Variants in ATP8A2 observed in about 807,000 individuals in gnomAD.
ATP8A2 encodes the protein ATPase phospholipid transporting 8A2, also known as phospholipid-transporting ATPase IB.
In ATP8A2, 100 loss-of-function variants were observed where a neutral mutation model predicts 165.6. That is an observed-to-expected ratio of 0.60 (90% confidence interval 0.51 to 0.71). The LOEUF is 0.71. ATP8A2 is among the 30% of genes least tolerant of loss of function. ATP8A2 has a pLI of 0.00. For missense variants in ATP8A2, 1,227 were observed against 1,479.5 expected (o/e 0.83, Z 2.80); for synonymous variants, 543 against 548.8 (o/e 0.99, Z 0.15).
intron 25 of ATP8A2, among the ~76,000 whole-genome samples, chr13:25,749,546 C>A (rs1441074098): frequency 2.0e-5 from 3 of 151,742 alleles, no homozygotes; most frequent in African/African-American, 7.3e-5. Flanking sequence ...GGCATTGTCA[C>A]ATCGATGTCA....
chr13:25,910,779 T>A (rs890313486), intron 33 of ATP8A2, among the ~76,000 whole-genome samples: 2 of 152,192 alleles, frequency 1.3e-5, no homozygotes, highest in African/African-American at 2.4e-5. Context: ...CAATTGAGCT[T>A]ATAATAAAGA....
intron 33 of ATP8A2, among the ~76,000 whole-genome samples, chr13:25,950,398 T>G (rs1008790653): frequency 6.6e-6 from 1 of 152,140 alleles, no homozygotes. Flanking sequence ...ATTAAAATGA[T>G]CACTACCTGA....
Position 25,372,373 on chromosome 13 carries a change from C to G in ATP8A2, c.76+85C>G. 1.0e-6 allele frequency: 1 copy of G among 995,396 alleles called. No individual in the cohort carries two copies. The highest frequency in any genetic ancestry group is 1.3e-6 in the Non-Finnish European group (1 of 748,582). The allele number at this position is 995,396 out of a possible 1,614,324, so 61.7% of individuals were successfully genotyped here. A position where few individuals can be genotyped will look rare whatever the true frequency, so the allele number is the denominator to read the frequency against. On this transcript the variant is annotated intron_variant, in intron 1 of 36. Coordinates refer to ENST00000381655, the MANE Select transcript of ATP8A2 (RefSeq NM_016529.6). This position sits in a 1 kb window ranked among gnomAD's most constrained non-coding sequence, Gnocchi z 4.8. ...CGCCTGCGGTTATGCGACACTGCCC[C>G]GCCCGCGCCCCGCTCCCCTCCCTGG...
chr13:25,667,708 A>G (rs975252640), intron 24 of ATP8A2, among the ~76,000 whole-genome samples: 2 of 152,126 alleles, frequency 1.3e-5, no homozygotes, highest in Non-Finnish European at 2.9e-5. Context: ...GACTAAGACA[A>G]TATGTGTAAC....
At chr13:25,508,304 C>T (rs1319849628) in intron 2 of ATP8A2, among the ~76,000 whole-genome samples, 1 of 152,236 alleles carries the variant, frequency 6.6e-6, no homozygotes, top group Non-Finnish European at 1.5e-5. Flanking sequence ...ACATGACCCT[C>T]AGACTCATTA....
chr13:25,770,196 G>A lies in ATP8A2; in HGVS notation c.2568+967G>A, dbSNP rs189945781. Reference sequence around the variant, plus strand: ...TTCCCAAAGCAGACCTCCTTGCCTGGGGACTAGACTAACATTAGCCACAGG... The same window carrying A: ...TTCCCAAAGCAGACCTCCTTGCCTGAGGACTAGACTAACATTAGCCACAGG... On this transcript the variant is annotated intron_variant, in intron 26 of 36. Transcript: ENST00000381655. Among the ~76,000 whole-genome samples, 6 of 152,196 alleles carry A rather than the reference G, an allele frequency of 3.9e-5. No homozygotes were observed. In the East Asian group the frequency reaches 9.7e-4, roughly 25 times the overall value.
Position 25,563,998 on chromosome 13 carries a change from C to A in ATP8A2, c.1440C>A (p.Asp480Glu). ...GTAGTGATTCCTGTGACTTTGATGA[C>A]CCCAGGCTGTTGAAGAACATTGAGG... Reference protein sequence around the residue: ...PPCSDSCDFDDPRLLKNIEDR... With the variant: ...PPCSDSCDFDEPRLLKNIEDR... Residue 480 changes from aspartate (D) to glutamate (E), a missense_variant, in exon 16 of 37, where the codon GAC becomes GAA. Coordinates refer to ENST00000381655, the MANE Select transcript of ATP8A2 (RefSeq NM_016529.6). 1.2e-6 allele frequency: 2 copies of A among 1,613,148 alleles called. No individual in the cohort carries two copies. The highest frequency in any genetic ancestry group is 1.7e-6 in the Non-Finnish European group (2 of 1,179,168).
chr13:25,747,317 A>T (rs2044054665), intron 25 of ATP8A2, among the ~76,000 whole-genome samples: 1 of 152,216 alleles, frequency 6.6e-6, no homozygotes, highest in Non-Finnish European at 1.5e-5. Context: ...TCATCTTCAT[A>T]AGGAGGACAG....
intron 1 of ATP8A2, chr13:25,468,718 C>T (rs1240679151): frequency 1.8e-6 from 1 of 546,494 alleles, no homozygotes; most frequent in African/African-American, 2.0e-5. Context: ...GGCGGCTCTC[C>T]CGGGGCGGGG....
intron 2 of ATP8A2, among the ~76,000 whole-genome samples, chr13:25,506,352 T>C (rs2037035990): frequency 1.3e-5 from 2 of 152,212 alleles, no homozygotes; most frequent in South Asian, 2.1e-4. Flanking sequence ...TTCCTATTTA[T>C]GCAAGGTATA....
chr13:25,731,331 A>G lies in ATP8A2; in HGVS notation c.2384+31986A>G, dbSNP rs1043532037. Among the ~76,000 whole-genome samples, 5 of 147,046 alleles carry G rather than the reference A, an allele frequency of 3.4e-5. No homozygotes were observed. The South Asian group carries it at 1.1e-3, about 32-fold the overall frequency. On this transcript the variant is annotated intron_variant, in intron 25 of 36. Coordinates refer to ENST00000381655, the MANE Select transcript of ATP8A2 (RefSeq NM_016529.6). ...AAAGACCGGAAGGAGAGAGAAAGAGAGAAAGGGAAAGAAGAAAGAAGGAAA... is the reference window on the plus strand; with the variant it reads ...AAAGACCGGAAGGAGAGAGAAAGAGGGAAAGGGAAAGAAGAAAGAAGGAAA...
At chr13:25,451,234 A>G (rs1424334659) in intron 1 of ATP8A2, among the ~76,000 whole-genome samples, 4 of 151,986 alleles carry the variant, frequency 2.6e-5, no homozygotes, top group Non-Finnish European at 4.4e-5. Flanking sequence ...TATTAATCCC[A>G]CATAGTGTCG....
At chr13:25,388,684 C>A (rs995114605) in intron 1 of ATP8A2, among the ~76,000 whole-genome samples, 1 of 152,160 alleles carries the variant, frequency 6.6e-6, no homozygotes, top group South Asian at 2.1e-4. Context: ...GGGCTGTCTG[C>A]TTGTGGATTT....
intron 26 of ATP8A2, among the ~76,000 whole-genome samples, chr13:25,773,098 TAAG>T (rs1338677406): frequency 2.0e-5 from 3 of 152,166 alleles, no homozygotes; most frequent in Non-Finnish European, 4.4e-5. Flanking sequence ...CTGAAATTAA[TAAG>T]AAGTATATAA....
intron 1 of ATP8A2, among the ~76,000 whole-genome samples, chr13:25,420,673 C>G (rs1188310406): frequency 6.6e-6 from 1 of 152,122 alleles, no homozygotes; most frequent in African/African-American, 2.4e-5. Flanking sequence ...ATGTAACAAG[C>G]CTGCACATCC....
At chr13:25,441,297 A>T (rs982268387) in intron 1 of ATP8A2, among the ~76,000 whole-genome samples, 1 of 152,240 alleles carries the variant, frequency 6.6e-6, no homozygotes, top group Non-Finnish European at 1.5e-5. Context: ...GTCATAACTG[A>T]TGAAAATTCT....
At chr13:25,818,439 A>G (rs953261794) in intron 27 of ATP8A2, among the ~76,000 whole-genome samples, 1 of 152,232 alleles carries the variant, frequency 6.6e-6, no homozygotes, top group Non-Finnish European at 1.5e-5. Context: ...TTACTTTTAA[A>G]TAAGTAGGAT....
At chr13:25,583,111 A>G (rs61948645) in intron 23 of ATP8A2, among the ~76,000 whole-genome samples, 5,806 of 152,344 alleles carry the variant, frequency 0.038, 138 homozygotes, top group Non-Finnish European at 0.051. Flanking sequence ...CACTGCTACT[A>G]GAAAATACAA....
chr13:25,386,900 A>G (rs7986575), intron 1 of ATP8A2, among the ~76,000 whole-genome samples: 78,212 of 142,428 alleles, frequency 0.55, 23,200 homozygotes, highest in East Asian at 0.75. Flanking sequence ...GGGAGGCTGA[A>G]GCAGGAGAAT....
Sources: allele counts gnomAD v4.1 joint callset (sites outside exome capture counted in the v4.1 genomes callset), GRCh38; gene constraint gnomAD v4.1.1; non-coding constraint Gnocchi (gnomAD v3.1); transcripts MANE v1.5; gene names NCBI Gene and HGNC (gene_info 2026-07-23, HGNC 2026-07-21).